The following OR10D3 variants were observed in gnomAD, a reference collection of about 807,000 sequenced individuals.
OR10D3 encodes olfactory receptor 10D3.
For synonymous variants in OR10D3, 100 were observed against 57.6 expected (o/e 1.74, Z -3.33); for missense variants, 286 against 153.7 (o/e 1.86, Z -4.55).
exon 2 of OR10D3, chr11:124,186,461 A>T: frequency 3.7e-6 from 1 of 266,840 alleles, no homozygotes; most frequent in Non-Finnish European, 6.9e-6. Context: ...TCTATAGAGA[A>T]TTGCCTGTCC....
At chr11:124,184,782 T>A (rs1037613588) in intron 1 of OR10D3, among the ~76,000 whole-genome samples, 71 of 152,322 alleles carry the variant, frequency 4.7e-4, no homozygotes, top group African/African-American at 1.5e-3. Flanking sequence ...AAAGCAGGGA[T>A]CAACCTTTAT....
exon 2 of OR10D3, chr11:124,186,201 A>G: frequency 1.4e-6 from 1 of 695,852 alleles, no homozygotes; most frequent in Non-Finnish European, 2.6e-6. Context: ...CATGTTCCTG[A>G]GAGTTAGTAA....
chr11:124,184,677 A>G (rs936378375), intron 1 of OR10D3, among the ~76,000 whole-genome samples: 2 of 152,196 alleles, frequency 1.3e-5, no homozygotes, highest in African/African-American at 4.8e-5. Context: ...TAGCCTTCCT[A>G]CTGCTCAAAT....
intron 1 of OR10D3, among the ~76,000 whole-genome samples, chr11:124,184,034 T>C (rs10893156): frequency 0.3 from 45,698 of 152,146 alleles, 8,309 homozygotes; most frequent in East Asian, 0.44. Flanking sequence ...CAGGACATTT[T>C]TGGAAGCAGT....
chr11:124,186,310 A>G, exon 2 of OR10D3: 1 of 612,612 alleles, frequency 1.6e-6, no homozygotes, highest in Non-Finnish European at 2.9e-6. Context: ...TGGAATTTTC[A>G]GCACTGTGCT....
chr11:124,185,412 C>T (rs1379228083), exon 2 of OR10D3: 3 of 703,118 alleles, frequency 4.3e-6, no homozygotes, highest in Non-Finnish European at 7.8e-6. Flanking sequence ...ATCCTTGTTG[C>T]TGTTATGTCT....
intron 1 of OR10D3, 73 bp from the exon 2 acceptor site, chr11:124,185,186 T>C: frequency 1.6e-6 from 1 of 612,710 alleles, no homozygotes; most frequent in Non-Finnish European, 2.9e-6. Context: ...GTTTTATTTC[T>C]CCAGTATGTT....
exon 2 of OR10D3, chr11:124,188,431 T>C (rs1012931949): frequency 6.6e-6 from 1 of 152,240 alleles, no homozygotes; most frequent in Admixed American, 6.5e-5. Flanking sequence ...ACCCACCATA[T>C]GCCTTCTTCT....
At chr11:124,184,549 T>C (rs1861197478) in intron 1 of OR10D3, among the ~76,000 whole-genome samples, 1 of 152,056 alleles carries the variant, frequency 6.6e-6, no homozygotes, top group Admixed American at 6.5e-5. Context: ...AATGCCGTGA[T>C]CTATCACAGA....
chr11:124,185,996 G>A (rs1050300817), exon 2 of OR10D3: 3 of 703,296 alleles, frequency 4.3e-6, no homozygotes, highest in African/African-American at 3.5e-5. Context: ...CACCTGCAGT[G>A]CTCACCTCAT....
In OR10D3 at chr11:124,185,243, C is replaced by T. The variant is rs1204703490; in HGVS notation, c.-11-16C>T. ...AGGCATTCTTCCATGTCCTCAGCCT[C>T]CTCTTTCCTTCCTAGGACTGGCTTC... On this transcript the variant is annotated splice_polypyrimidine_tract_variant and intron_variant, in intron 1 of 1. Coordinates refer to ENST00000641351, the Ensembl canonical transcript of OR10D3. 5 of 690,268 alleles carry T rather than the reference C, an allele frequency of 7.2e-6. No homozygotes were observed. Among genetic ancestry groups the T allele is most frequent in the African/African-American group, 1.8e-5 (1 of 57,100 alleles). 42.8% of individuals were successfully genotyped at this position (690,268 alleles called of 1,614,324 possible). A position where few individuals can be genotyped will look rare whatever the true frequency, so the allele number is the denominator to read the frequency against.
intron 1 of OR10D3, 113 bp from the exon 2 acceptor site, chr11:124,185,146 A>C (rs1326990328): frequency 6.7e-6 from 4 of 599,210 alleles, no homozygotes; most frequent in Non-Finnish European, 8.9e-6. Context: ...TCCATAACTT[A>C]GATGCAAATC....
At chr11:124,188,054 A>G (rs553579531) in exon 2 of OR10D3, 7 of 152,238 alleles carry the variant, frequency 4.6e-5, no homozygotes, top group Non-Finnish European at 8.8e-5. Context: ...AGCATCTTAC[A>G]TCCAAGATAA....
exon 2 of OR10D3, chr11:124,188,771 C>T (rs1861251759): frequency 6.6e-6 from 1 of 152,178 alleles, no homozygotes; most frequent in South Asian, 2.1e-4. Flanking sequence ...TTTCCCTTTT[C>T]TCTGGTATAT....
At chr11:124,186,257 C>G in exon 2 of OR10D3, 1 of 630,280 alleles carries the variant, frequency 1.6e-6, no homozygotes, top group Non-Finnish European at 2.8e-6. Flanking sequence ...TTTGCTTTGA[C>G]CTAAGAAATT....
At chr11:124,185,877 T>C (rs965955384) in exon 2 of OR10D3, 6 of 703,254 alleles carry the variant, frequency 8.5e-6, no homozygotes, top group Non-Finnish European at 1.6e-5. Flanking sequence ...TTCACCAACG[T>C]TGGCCTCATA....
exon 2 of OR10D3, chr11:124,185,641 T>C: frequency 1.4e-6 from 1 of 703,664 alleles, no homozygotes. Context: ...ACCGCTTCAC[T>C]GCCATCTGTT....
In OR10D3 at chr11:124,185,558, T is replaced by G. The variant is rs1015574753; in HGVS notation, c.289T>G (p.Cys97Gly). ...GAGCCGACTCATCTCCTACAAAGAC[T>G]GTGTCTGCCAGCTTTTCTTCTTCCA... Residue 97 changes from cysteine to glycine, a missense_variant, in exon 2 of 2, where the codon TGT (cysteine) becomes GGT (glycine). Cys to Gly is a radical substitution (Grantham distance 159, BLOSUM62 -3). Transcript: ENST00000641351. The G allele has an allele frequency of 1.4e-5, 10 of 703,394 alleles. No individual in the cohort carries two copies. In the East Asian group the frequency reaches 1.9e-4, roughly 13 times the overall value. The allele number at this position is 703,394 out of a possible 1,614,324, so 43.6% of individuals were successfully genotyped here. A position where few individuals can be genotyped will look rare whatever the true frequency, so the allele number is the denominator to read the frequency against.
rs186457451 is a variant in OR10D3 at position 124,184,514 on chromosome 11, C to G, written c.-11-745C>G. Among the ~76,000 whole-genome samples, 362 of 151,986 alleles carry G rather than the reference C, an allele frequency of 2.4e-3. 1 individual carries two copies. Among genetic ancestry groups the G allele is most frequent in the African/African-American group, 8.4e-3 (350 of 41,434 alleles). ...TCCAAATGAAAAACATGGTTAATAC[C>G]GGGGTAAGATTTGACAAGGCCAGTA... On this transcript the variant is annotated intron_variant, in intron 1 of 1. Transcript: ENST00000641351.
Sources: allele counts gnomAD v4.1 joint callset (sites outside exome capture counted in the v4.1 genomes callset), GRCh38; gene constraint gnomAD v4.1.1; transcripts MANE v1.5; gene names NCBI Gene and HGNC (gene_info 2026-07-23, HGNC 2026-07-21).